The following AMPD2 variants were observed in gnomAD, a reference collection of about 807,000 sequenced individuals.
AMPD2 encodes adenosine monophosphate deaminase 2.
AMPD2 carries 52 observed loss-of-function variants against 91.3 expected under a neutral mutation model. The observed-to-expected ratio is 0.57, with a 90% CI of 0.46 to 0.72. The LOEUF is 0.72. AMPD2 is among the 30% of genes least tolerant of loss of function. AMPD2 has a pLI of 0.00. For missense variants in AMPD2, 822 were observed against 1,122.3 expected (o/e 0.73, Z 3.82); for synonymous variants, 455 against 456.4 (o/e 1.00, Z 0.04).
chr1:109,628,994 A>C lies in AMPD2; in HGVS notation c.1572-115A>C. On this transcript the variant is annotated intron_variant, in intron 13 of 18. Coordinates refer to ENST00000528667, the MANE Select transcript of AMPD2 (RefSeq NM_001368809.2). This position sits in a 1 kb window ranked among gnomAD's most constrained non-coding sequence, Gnocchi z 7.1. ...CCACCTGGGTATCCTTGCTTTCCCA[A>C]TATGGTTCAGATGCGCCCCTGCGCT... 6.7e-7 allele frequency: 1 copy of C among 1,487,732 alleles called. No homozygotes were observed. Among genetic ancestry groups the C allele is most frequent in the Non-Finnish European group, 9.0e-7 (1 of 1,107,742 alleles). The allele number at this position is 1,487,732 out of a possible 1,614,324, so 92.2% of individuals were successfully genotyped here.
intron 13 of AMPD2, 22 bp from the exon 14 acceptor site, chr1:109,629,087 C>T: frequency 1.2e-6 from 2 of 1,612,202 alleles, no homozygotes; most frequent in Non-Finnish European, 8.5e-7. Context: ...TTGCACATAC[C>T]TGCATGTTGT....
In AMPD2 at chr1:109,631,034, G is replaced by C. The variant is rs1259478581; in HGVS notation, c.2360G>C (p.Gly787Ala). The change falls in exon 19 of 19, where the codon GGC becomes GCC. Residue 787 changes from glycine (G) to alanine (A), a missense_variant. Physicochemically the swap from Gly to Ala is moderately conservative, Grantham distance 60. Around this residue, in one of 5 missense-constraint regions of AMPD2, gnomAD observed 430 missense variants for 606.0 expected, o/e 0.71. Transcript: ENST00000528667. ...ACCAATGTGCCAGACATCCGCGTGGGCTACCGCTACGAGACCCTGTGCCAG... is the reference window on the plus strand; with the variant it reads ...ACCAATGTGCCAGACATCCGCGTGGCCTACCGCTACGAGACCCTGTGCCAG... ...RRTNVPDIRVGYRYETLCQEL... is the reference protein window; with the variant it reads ...RRTNVPDIRVAYRYETLCQEL... 1.2e-6 allele frequency: 2 copies of C among 1,614,038 alleles called. No homozygotes were observed. The highest frequency in any genetic ancestry group is 2.7e-5 in the African/African-American group (2 of 74,942).
At chr1:109,627,612 G>A in intron 9 of AMPD2, 94 bp downstream of exon 9, 1 of 1,545,556 alleles carries the variant, frequency 6.5e-7, no homozygotes, top group Non-Finnish European at 8.9e-7. Context: ...CTGGTGTCTT[G>A]CCCTTCCTAG....
rs746953056 is a variant in AMPD2, at chr1:109,630,452, TG to T, written c.2157+50del. 9.5e-6 allele frequency: 4 copies of T among 423,042 alleles called. No individual in the cohort carries two copies. In the Admixed American group the frequency reaches 1.0e-4, roughly 11 times the overall value. The allele number at this position is 423,042 out of a possible 1,614,324, so 26.2% of individuals were successfully genotyped here. On this transcript the variant is annotated intron_variant, in intron 17 of 18. Transcript: ENST00000528667. ...CAGGCGGGCGGGCGTCCCAGGACGC[TG>T]GGGTCTCCCGGGTTGGGTGGGGGGC...
intron 9 of AMPD2, 50 bp from the exon 10 acceptor site, chr1:109,627,724 G>C (rs1650826772): frequency 6.2e-7 from 1 of 1,605,138 alleles, no homozygotes; most frequent in Non-Finnish European, 8.5e-7. Context: ...GCCCTCCCCA[G>C]GTGCCTCCCT....
At chr1:109,623,249 G>A (rs1211361949) in intron 2 of AMPD2, among the ~76,000 whole-genome samples, 1 of 152,118 alleles carries the variant, frequency 6.6e-6, no homozygotes, top group East Asian at 1.9e-4. Context: ...GGCAGGGAAG[G>A]GACCACTTAT....
chr1:109,625,616 C>G lies in AMPD2; in HGVS notation c.223-46C>G, dbSNP rs755176761. 6.2e-7 allele frequency: 1 copy of G among 1,608,646 alleles called. No homozygotes were observed. The highest frequency in any genetic ancestry group is 8.5e-7 in the Non-Finnish European group (1 of 1,176,162). On this transcript the variant is annotated intron_variant, in intron 3 of 18. Transcript: ENST00000528667. The surrounding 1 kb of genome is among the most constrained non-coding windows in gnomAD (Gnocchi z 4.0). ...TCCCCAGACTCTGTAGGAGAGTGCC[C>G]GAGGGCGGAGGGCCAGCCATGCTGA... is the stretch of plus-strand genomic sequence containing the variant.
chr1:109,622,978 C>A (rs1236065401), intron 2 of AMPD2, among the ~76,000 whole-genome samples: 2 of 152,150 alleles, frequency 1.3e-5, no homozygotes, highest in African/African-American at 4.8e-5. Context: ...CCCACTTTGT[C>A]CTTTTCCAAG....
rs1351465127 is a variant in AMPD2 at position 109,620,268 on chromosome 1, C to G, written c.-273C>G. On this transcript the variant is annotated 5_prime_UTR_variant, in exon 1 of 19. In the 5' UTR this introduces an upstream ATG that the reference lacks. Coordinates refer to ENST00000528667, the MANE Select transcript of AMPD2 (RefSeq NM_001368809.2). ...CAGCCTCCCCTCGGAACTCGGGCAT[C>G]ATGGCCTCAGGTGAGTGTGTGTACG... is the stretch of plus-strand genomic sequence containing the variant. 6.2e-6 allele frequency: 10 copies of G among 1,614,090 alleles called. No individual in the cohort carries two copies. Among genetic ancestry groups the G allele is most frequent in the Non-Finnish European group, 8.5e-6 (10 of 1,179,970 alleles).
chr1:109,627,836 T>TC lies in AMPD2; in HGVS notation c.1014dup (p.Asn339GlnfsTer2). On this transcript the variant is annotated frameshift_variant, in exon 10 of 19. Transcript: ENST00000528667. LOFTEE classifies it high-confidence loss of function. ...TCCAAGTTCCAGATGCATGTGCTAC[T>TC]CAATGAGATGAAGGAGCTGGCCGCC... 6.2e-7 allele frequency: 1 copy of TC among 1,614,078 alleles called. No homozygotes were observed. The highest frequency in any genetic ancestry group is 8.5e-7 in the Non-Finnish European group (1 of 1,180,004).
At position 109,627,326 on chromosome 1, in the gene AMPD2, G is replaced by C. The variant is rs755138601; in HGVS notation, c.860+10G>C. 1 of 1,607,052 alleles carries C rather than the reference G, an allele frequency of 6.2e-7. No individual in the cohort carries two copies. Among genetic ancestry groups the C allele is most frequent in the Non-Finnish European group, 8.5e-7 (1 of 1,175,054 alleles). ...GGGAACCCGACGAGCAGTAAGAGGG[G>C]TGTGGTGCATGTTGGGGGGATGCAG... On this transcript the variant is annotated intron_variant, in intron 8 of 18. Transcript: ENST00000528667.
In AMPD2 at chr1:109,630,331, G is replaced by A. The variant is rs201580843; in HGVS notation, c.2082G>A (p.Pro694=). The A allele has an allele frequency of 6.2e-4, 1,003 of 1,613,988 alleles. 6 individuals carry two copies. The highest frequency in any genetic ancestry group is 7.5e-5 in the Non-Finnish European group (89 of 1,180,016). Residue 694 remains proline, a synonymous_variant, in exon 17 of 19, where the codon CCG becomes CCA. Transcript: ENST00000528667. ...TCTTCCTCAGCTATCACCGGAATCC[G>A]CTACCGGAGTACCTGTCCCGCGGCC... ...NSLFLSYHRN[P]LPEYLSRGLM...
intron 2 of AMPD2, 147 bp downstream of exon 2, chr1:109,621,413 G>A (rs1650256012): frequency 1.2e-6 from 1 of 815,590 alleles, no homozygotes; most frequent in Non-Finnish European, 2.0e-6. Context: ...AGGGACAGCC[G>A]GCTTGGAAGG....
At chr1:109,630,836 C>T (rs1651185839) in intron 18 of AMPD2, 43 bp downstream of exon 18, 1 of 1,592,272 alleles carries the variant, frequency 6.3e-7, no homozygotes, top group Non-Finnish European at 8.6e-7. Flanking sequence ...CATCACTCCT[C>T]CCCTCCTCTG....
chr1:109,624,045 G>A lies in AMPD2; in HGVS notation c.92-1258G>A. The A allele has an allele frequency of 2.0e-6, 2 of 985,650 alleles. No homozygotes were observed. Among genetic ancestry groups the A allele is most frequent in the Non-Finnish European group, 2.4e-6 (2 of 830,098 alleles). 61.1% of individuals were successfully genotyped at this position (985,650 alleles called of 1,614,324 possible). On this transcript the variant is annotated intron_variant, in intron 2 of 18. Coordinates refer to ENST00000528667, the MANE Select transcript of AMPD2 (RefSeq NM_001368809.2). The surrounding 1 kb of genome is among the most constrained non-coding windows in gnomAD (Gnocchi z 5.2). ...TGCAGCTTCACTGGCAAACAGGCGG[G>A]CAAGGGGCACAGGGCTGCTGGCCGG... is the stretch of plus-strand genomic sequence containing the variant.
In AMPD2 at chr1:109,625,916, C is replaced by T; in HGVS notation, c.353+124C>T. On this transcript the variant is annotated intron_variant, in intron 4 of 18. Coordinates refer to ENST00000528667, the MANE Select transcript of AMPD2 (RefSeq NM_001368809.2). This position sits in a 1 kb window ranked among gnomAD's most constrained non-coding sequence, Gnocchi z 4.0. ...GTCTGCACAGGGAGCATAGAGTGGG[C>T]TTTGGAGTCGGGCTGCTGGGTTCTG... 1 of 1,450,996 alleles carries T rather than the reference C, an allele frequency of 6.9e-7. No individual in the cohort carries two copies. Among genetic ancestry groups the T allele is most frequent in the South Asian group, 1.3e-5 (1 of 75,436 alleles). 89.9% of individuals were successfully genotyped at this position (1,450,996 alleles called of 1,614,324 possible).
intron 4 of AMPD2, 136 bp from the exon 5 acceptor site, chr1:109,626,024 C>A: frequency 8.7e-7 from 1 of 1,153,672 alleles, no homozygotes; most frequent in Non-Finnish European, 1.3e-6. Flanking sequence ...TGAGTGAGAA[C>A]AGCACAGGGT....
Position 109,620,985 on chromosome 1 carries a change from G to A in AMPD2, c.-191G>A. On this transcript the variant is annotated 5_prime_UTR_variant, in exon 2 of 19. Coordinates refer to ENST00000528667, the MANE Select transcript of AMPD2 (RefSeq NM_001368809.2). ...GGAGGGATAAGGGGCAGAGATGGAG[G>A]CCCCACTCCCCGAGGTTGCCTAGAC... 6.4e-7 allele frequency: 1 copy of A among 1,552,694 alleles called. No homozygotes were observed. The highest frequency in any genetic ancestry group is 1.4e-5 in the African/African-American group (1 of 73,712).
At chr1:109,627,376 A>T (rs1395960335) in intron 8 of AMPD2, 53 bp from the exon 9 acceptor site, 1 of 1,613,466 alleles carries the variant, frequency 6.2e-7, no homozygotes, top group East Asian at 2.2e-5. Flanking sequence ...TTGGCTTGGG[A>T]GAGGCCACAG....
Sources: gnomAD v4.1 joint callset for allele counts (sites outside exome capture counted in the v4.1 genomes callset) on GRCh38, gnomAD v4.1.1 for gene constraint, gnomAD v4.1.1 regional missense constraint, Gnocchi (gnomAD v3.1) non-coding constraint, MANE v1.5 for transcripts, NCBI Gene and HGNC (gene_info 2026-07-23, HGNC 2026-07-21) for gene names.